The following NFKB1 variants were observed in gnomAD, a reference collection of about 807,000 sequenced individuals.
The protein encoded by NFKB1 is nuclear factor NF-kappa-B p105 subunit.
NFKB1 carries 9 observed loss-of-function variants against 105.1 expected under a neutral mutation model. The ratio of observed to expected loss-of-function variants is 0.09; its 90% CI spans 0.05 to 0.15. The LOEUF (loss-of-function observed/expected upper bound fraction) is 0.15, where lower values mean the gene tolerates loss of function less well. NFKB1 is among the 10% of genes least tolerant of loss of function. The pLI, the probability that NFKB1 is intolerant of heterozygous loss-of-function variation, is 1.00. For missense variants in NFKB1, 830 were observed against 1,203.7 expected, an observed-to-expected ratio of 0.69 and a Z score of 4.59; for synonymous variants, 440 against 442.2, an observed-to-expected ratio of 1.00 and a Z score of 0.06.
At chr4:102,548,874 A>G (rs1722345771) in intron 5 of NFKB1, among the ~76,000 whole-genome samples, 1 of 152,128 alleles carries the variant, frequency 6.6e-6, no homozygotes, top group South Asian at 2.1e-4. Flanking sequence ...TACGGCATCC[A>G]TAACCCTATG....
chr4:102,605,702 A>C (rs1727655845), intron 16 of NFKB1, among the ~76,000 whole-genome samples: 1 of 152,218 alleles, frequency 6.6e-6, no homozygotes. Flanking sequence ...AGGTATCAGC[A>C]GCTCACCTTT....
At chr4:102,560,194 G>T (rs230505) in intron 5 of NFKB1, among the ~76,000 whole-genome samples, 89,615 of 151,970 alleles carry the variant, frequency 0.59, 26,617 homozygotes, top group Middle Eastern at 0.71. Flanking sequence ...AATGACACCT[G>T]TTGAGGTACA....
At chr4:102,555,266 C>T (rs1355183141) in intron 5 of NFKB1, among the ~76,000 whole-genome samples, 2 of 152,166 alleles carry the variant, frequency 1.3e-5, no homozygotes, top group African/African-American at 4.8e-5. Context: ...GGGAACACCA[C>T]TTTTCTGCTC....
chr4:102,594,799 A>T, intron 12 of NFKB1, 93 bp from the exon 13 acceptor site: 1 of 849,548 alleles, frequency 1.2e-6, no homozygotes, highest in Admixed American at 2.0e-5. Flanking sequence ...GTCACACCAA[A>T]GGCTGTGCTC....
chr4:102,533,629 G>C, intron 3 of NFKB1, among the ~76,000 whole-genome samples: 1 of 152,260 alleles, frequency 6.6e-6, no homozygotes, highest in African/African-American at 2.4e-5. Context: ...ACTTATTGTG[G>C]TTCGCTAAAC....
intron 21 of NFKB1, 75 bp downstream of exon 21, chr4:102,612,185 T>C (rs1037321636): frequency 1.4e-5 from 19 of 1,347,760 alleles, no homozygotes; most frequent in Non-Finnish European, 1.9e-5. Flanking sequence ...GAACCAGCAT[T>C]ATCCAGGGTC....
chr4:102,525,543 G>A lies in NFKB1; in HGVS notation c.25G>A (p.Gly9Arg). 1 of 1,613,126 alleles carries A rather than the reference G, an allele frequency of 6.2e-7. No homozygotes were observed. Among genetic ancestry groups the A allele is most frequent in the Admixed American group, 1.7e-5 (1 of 59,936 alleles). The change falls in exon 2 of 24, where the codon GGA becomes AGA. Residue 9 changes from glycine (G) to arginine (R), a missense_variant. Transcript: ENST00000226574. MAEDDPYLGRPEQMFHLDP... is the reference protein window; with the variant it reads MAEDDPYLRRPEQMFHLDP... ...AATGGCAGAAGATGATCCATATTTG[G>A]GAAGGCCTGAACAAGTAAGTGTCAT...
intron 6 of NFKB1, among the ~76,000 whole-genome samples, chr4:102,569,579 A>G (rs1270247662): frequency 6.6e-6 from 1 of 152,140 alleles, no homozygotes. Flanking sequence ...GTTTTCAATA[A>G]TACAGATTAG....
intron 1 of NFKB1, chr4:102,510,822 G>A (rs1345388269): frequency 6.6e-6 from 3 of 454,380 alleles, no homozygotes; most frequent in African/African-American, 6.2e-5. Context: ...TATATTTGGA[G>A]GGAGAAGAAG....
At position 102,586,741 on chromosome 4, in the gene NFKB1, A is replaced by C. The variant is rs534971307; in HGVS notation, c.1066+1921A>C. On this transcript the variant is annotated intron_variant, in intron 11 of 23. Coordinates refer to ENST00000226574, the MANE Select transcript of NFKB1 (RefSeq NM_003998.4). ...ACAAAATTAGAAACCCCTCAGTTGG[A>C]GGGAAGTGAGACTGGGAAGGGAGGT... Among the ~76,000 whole-genome samples, 16 of 152,282 alleles carry C rather than the reference A, an allele frequency of 1.1e-4. No homozygotes were observed. In the South Asian group the frequency reaches 3.3e-3, roughly 32 times the overall value.
At chr4:102,516,760 A>G (rs1214564898) in intron 1 of NFKB1, among the ~76,000 whole-genome samples, 2 of 151,684 alleles carry the variant, frequency 1.3e-5, no homozygotes, top group African/African-American at 4.9e-5. Context: ...TTTATTGTAC[A>G]TTGTGGAGAG....
At chr4:102,590,634 C>T (rs1726090221) in intron 11 of NFKB1, among the ~76,000 whole-genome samples, 3 of 152,218 alleles carry the variant, frequency 2.0e-5, no homozygotes, top group Admixed American at 6.5e-5. Context: ...CAAACTTAAT[C>T]GATAAATGTT....
intron 7 of NFKB1, 52 bp from the exon 8 acceptor site, chr4:102,578,829 T>G (rs1433381756): frequency 6.4e-7 from 1 of 1,566,516 alleles, no homozygotes; most frequent in South Asian, 1.2e-5. Context: ...GCATGGTCTT[T>G]TAAATGTTCA....
At chr4:102,558,595 A>C (rs889755286) in intron 5 of NFKB1, among the ~76,000 whole-genome samples, 1 of 152,232 alleles carries the variant, frequency 6.6e-6, no homozygotes, top group Admixed American at 6.5e-5. Context: ...CAATATGACA[A>C]GCATTATTTC....
chr4:102,555,545 A>G (rs1722925719), intron 5 of NFKB1, among the ~76,000 whole-genome samples: 2 of 152,196 alleles, frequency 1.3e-5, no homozygotes. Context: ...TAAATGACCT[A>G]ATTGCTCTAA....
At chr4:102,614,960 G>A (rs1364779292) in intron 23 of NFKB1, among the ~76,000 whole-genome samples, 6 of 152,122 alleles carry the variant, frequency 3.9e-5, no homozygotes, top group Middle Eastern at 3.4e-3. Flanking sequence ...CTTCGTATGC[G>A]ACGCATCGAG....
intron 19 of NFKB1, 117 bp from the exon 20 acceptor site, chr4:102,610,458 T>A (rs1258936339): frequency 1.0e-6 from 1 of 961,230 alleles, no homozygotes; most frequent in African/African-American, 1.6e-5. Context: ...TTAAAAATTA[T>A]CCAGGAGATT....
At chr4:102,609,064 T>A (rs538644400) in intron 19 of NFKB1, among the ~76,000 whole-genome samples, 22 of 150,888 alleles carry the variant, frequency 1.5e-4, no homozygotes, top group African/African-American at 5.4e-4. Context: ...GAGGTAGAAG[T>A]ATCACTTGAG....
chr4:102,548,739 C>A (rs1368650743), intron 5 of NFKB1, among the ~76,000 whole-genome samples: 3 of 152,116 alleles, frequency 2.0e-5, no homozygotes, highest in Non-Finnish European at 4.4e-5. Flanking sequence ...CAATTCATGG[C>A]AGTTTGTGAC....
Sources: gnomAD v4.1 joint callset for allele counts (sites outside exome capture counted in the v4.1 genomes callset) on GRCh38, gnomAD v4.1.1 for gene constraint, MANE v1.5 for transcripts, NCBI Gene and HGNC (gene_info 2026-07-23, HGNC 2026-07-21) for gene names.